The following CCSER2 variants were observed in gnomAD, a reference collection of about 807,000 sequenced individuals.
CCSER2 encodes serine-rich coiled-coil domain-containing protein 2.
Under a neutral mutation model 92.3 loss-of-function variants are expected in CCSER2, and 46 were observed. That is an observed-to-expected ratio of 0.50 (90% CI 0.39 to 0.64). The LOEUF (loss-of-function observed/expected upper bound fraction) is 0.64. CCSER2 is among the 30% of genes least tolerant of loss of function. CCSER2 has a pLI of 0.00. For missense variants in CCSER2, 1,244 were observed against 1,238.9 expected, an observed-to-expected ratio of 1.00 and a Z score of -0.06; for synonymous variants, 433 against 431.4, an observed-to-expected ratio of 1.00 and a Z score of -0.04.
intron 3 of CCSER2, among the ~76,000 whole-genome samples, chr10:84,378,274 T>C (rs554850092): frequency 6.6e-6 from 1 of 151,906 alleles, no homozygotes; most frequent in South Asian, 2.1e-4. Context: ...GAAGTTTTTT[T>C]TGTGTTAGTG....
At chr10:84,361,466 C>T (rs1366779657) in intron 1 of CCSER2, among the ~76,000 whole-genome samples, 1 of 152,120 alleles carries the variant, frequency 6.6e-6, no homozygotes, top group Non-Finnish European at 1.5e-5. Flanking sequence ...CAGCTTTTTA[C>T]ATCGAAAATG....
At chr10:84,486,301 T>A (rs1449646488) in intron 9 of CCSER2, among the ~76,000 whole-genome samples, 1 of 152,232 alleles carries the variant, frequency 6.6e-6, no homozygotes, top group Admixed American at 6.5e-5. Flanking sequence ...TAGTTCTAGA[T>A]CCTTGAGGAA....
chr10:84,473,887 T>C (rs541098231), intron 8 of CCSER2, among the ~76,000 whole-genome samples: 3 of 152,342 alleles, frequency 2.0e-5, no homozygotes, highest in South Asian at 2.1e-4. Flanking sequence ...CTTTCAGTTA[T>C]AGCCTTCTAT....
chr10:84,433,539 A>G (rs1464882339), intron 5 of CCSER2, among the ~76,000 whole-genome samples: 4 of 152,194 alleles, frequency 2.6e-5, no homozygotes, highest in Admixed American at 6.5e-5. Flanking sequence ...GCATGAAATC[A>G]CACATCTTAG....
At chr10:84,457,595 ATATT>A (rs1845826498) in intron 6 of CCSER2, among the ~76,000 whole-genome samples, 1 of 116,466 alleles carries the variant, frequency 8.6e-6, no homozygotes, top group African/African-American at 3.3e-5. Context: ...ATATAATTAT[ATATT>A]TATATATTAT....
intron 3 of CCSER2, among the ~76,000 whole-genome samples, chr10:84,376,008 C>G (rs543546664): frequency 1.3e-5 from 2 of 152,136 alleles, no homozygotes; most frequent in South Asian, 4.1e-4. Context: ...GAATGTACAT[C>G]AACTGTGTCA....
chr10:84,367,259 C>T (rs1845821680), intron 1 of CCSER2, among the ~76,000 whole-genome samples: 1 of 151,938 alleles, frequency 6.6e-6, no homozygotes, highest in African/African-American at 2.4e-5. Context: ...TTATGTCCTC[C>T]TGCCTTTTCT....
At chr10:84,400,286 C>T (rs190719030) in intron 3 of CCSER2, among the ~76,000 whole-genome samples, 379 of 152,226 alleles carry the variant, frequency 2.5e-3, no homozygotes, top group Middle Eastern at 0.014. Context: ...TCAAAGAATT[C>T]ATTACCAGTC....
intron 9 of CCSER2, among the ~76,000 whole-genome samples, chr10:84,500,221 A>G (rs1051565055): frequency 5.3e-5 from 8 of 152,142 alleles, no homozygotes; most frequent in African/African-American, 1.7e-4. Flanking sequence ...GTGACCCTAG[A>G]CCTACTGACA....
At chr10:84,379,610 G>GT (rs5786656) in intron 3 of CCSER2, among the ~76,000 whole-genome samples, 129,851 of 152,068 alleles carry the variant, frequency 0.85, 55,519 homozygotes, top group East Asian at 0.9. Context: ...ATAGCAGTTA[G>GT]TTCTTTTTAT....
chr10:84,488,882 A>G (rs973360552), intron 9 of CCSER2, among the ~76,000 whole-genome samples: 1 of 152,322 alleles, frequency 6.6e-6, no homozygotes, highest in South Asian at 2.1e-4. Flanking sequence ...ATTTAGTGCT[A>G]TAAATTTCCC....
chr10:84,372,522 A>G, intron 2 of CCSER2, 53 bp downstream of exon 2: 1 of 1,015,616 alleles, frequency 9.8e-7, no homozygotes, highest in Non-Finnish European at 1.5e-6. Flanking sequence ...AATATAACTG[A>G]ACTTACATTT....
intron 9 of CCSER2, among the ~76,000 whole-genome samples, chr10:84,484,364 C>T (rs1435782458): frequency 1.3e-5 from 2 of 151,994 alleles, no homozygotes; most frequent in African/African-American, 4.8e-5. Context: ...CTGTCCGCCT[C>T]GGCCTCCCAA....
intron 3 of CCSER2, among the ~76,000 whole-genome samples, chr10:84,401,955 C>T (rs1842140037): frequency 6.6e-6 from 1 of 152,218 alleles, no homozygotes; most frequent in Admixed American, 6.5e-5. Flanking sequence ...GCCTAGCAGA[C>T]AGCGTTCTCT....
chr10:84,369,924 C>T (rs1314455407), intron 1 of CCSER2, among the ~76,000 whole-genome samples: 1 of 151,908 alleles, frequency 6.6e-6, no homozygotes, highest in Non-Finnish European at 1.5e-5. Context: ...TCCCAATTTT[C>T]ATTTATGTAT....
intron 9 of CCSER2, among the ~76,000 whole-genome samples, chr10:84,490,389 G>C (rs1447253553): frequency 6.6e-6 from 1 of 152,208 alleles, no homozygotes; most frequent in East Asian, 1.9e-4. Context: ...ATCAGATGTA[G>C]ATTTGGTCTT....
rs141690640 is a variant in CCSER2, at chr10:84,361,361, C to G, written c.-39-9653C>G. 5.8e-4 allele frequency among the ~76,000 whole-genome samples: 88 copies of G among 152,302 alleles called. No homozygotes were observed. The East Asian group carries it at 0.013, about 23-fold the overall frequency. ...TTTGGAATTTGGTTGACTTGCTTGC[C>G]TTACAATAACAGCTTTCTGATGGGC... is the stretch of plus-strand genomic sequence containing the variant. On this transcript the variant is annotated intron_variant, in intron 1 of 9. Transcript: ENST00000372088.
At chr10:84,330,387 G>T (rs7094933) in intron 1 of CCSER2, among the ~76,000 whole-genome samples, 129,970 of 152,210 alleles carry the variant, frequency 0.85, 55,563 homozygotes, top group East Asian at 0.9. Flanking sequence ...TACGAAAGTA[G>T]CACTTCTGAG....
chr10:84,336,450 G>T (rs1843842247), intron 1 of CCSER2, among the ~76,000 whole-genome samples: 1 of 152,234 alleles, frequency 6.6e-6, no homozygotes, highest in African/African-American at 2.4e-5. Flanking sequence ...TTTATCTAAG[G>T]TGGTTAGGGA....
Sources: gnomAD v4.1 joint callset for allele counts (sites outside exome capture counted in the v4.1 genomes callset) on GRCh38, gnomAD v4.1.1 for gene constraint, MANE v1.5 for transcripts, NCBI Gene and HGNC (gene_info 2026-07-23, HGNC 2026-07-21) for gene names.